MMS22L: variants seen among roughly 807,000 people sequenced by gnomAD.
MMS22L encodes the protein protein MMS22-like.
MMS22L carries 74 observed loss-of-function variants against 159.1 expected under a neutral mutation model. The ratio of observed to expected loss-of-function variants is 0.47; its 90% CI spans 0.39 to 0.56. MMS22L has a LOEUF of 0.56. MMS22L is among the 20% of genes least tolerant of loss of function. The pLI, the probability that MMS22L is intolerant of heterozygous loss-of-function variation, is 0.00. For missense variants in MMS22L, 1,351 were observed against 1,422.1 expected, an observed-to-expected ratio of 0.95 and a Z score of 0.80; for synonymous variants, 517 against 506.9, an observed-to-expected ratio of 1.02 and a Z score of -0.27.
chr6:97,193,548 C>T (rs58499320), intron 14 of MMS22L, among the ~76,000 whole-genome samples: 1,668 of 152,166 alleles, frequency 0.011, 26 homozygotes, highest in African/African-American at 0.038. Context: ...ACAGTAGTAA[C>T]AAGGATCCAC....
chr6:97,149,910 G>A lies in MMS22L; in HGVS notation c.3593C>T (p.Thr1198Ile). The A allele has an allele frequency of 6.2e-7, 1 of 1,613,692 alleles. No individual in the cohort carries two copies. Among genetic ancestry groups the A allele is most frequent in the Non-Finnish European group, 8.5e-7 (1 of 1,179,768 alleles). The change falls in exon 24 of 25, where the codon ACT (threonine) becomes ATT (isoleucine). Residue 1198 changes from threonine (T) to isoleucine (I), a missense_variant. By Grantham distance (89) the Thr-to-Ile change is moderately conservative. Coordinates refer to ENST00000683635, the MANE Select transcript of MMS22L (RefSeq NM_001350599.2). ...CTGCTCTGAATCCTTCAGAGACTGA[G>A]TAAGGGTAGAAATCAAGTGGATGAC... ...QVVIHLISTL[T>I]QSLKDSEQKW...
chr6:97,168,168 T>C lies in MMS22L; in HGVS notation c.2912A>G (p.Asp971Gly), dbSNP rs1472797244. The change falls in exon 20 of 25, where the codon GAT becomes GGT. Residue 971 changes from aspartate (D) to glycine (G), a missense_variant. Coordinates refer to ENST00000683635, the MANE Select transcript of MMS22L (RefSeq NM_001350599.2). ...KAQKLLFRIIDCLLLPHAVLQ... is the reference protein window; with the variant it reads ...KAQKLLFRIIGCLLLPHAVLQ... ...TACTGCATGTGGCAGCAGTAAACAA[T>C]CTATGATCCGGAATAGTAATTTTTG... The C allele has an allele frequency of 6.2e-7, 1 of 1,613,260 alleles. No homozygotes were observed. Among genetic ancestry groups the C allele is most frequent in the South Asian group, 1.1e-5 (1 of 91,044 alleles).
intron 22 of MMS22L, among the ~76,000 whole-genome samples, chr6:97,154,019 T>A (rs973837892): frequency 4.6e-5 from 7 of 152,134 alleles, no homozygotes; most frequent in African/African-American, 1.7e-4. Flanking sequence ...AACTCCATAT[T>A]TAACCGCTTG....
chr6:97,197,811 A>G (rs1214060435), intron 14 of MMS22L, among the ~76,000 whole-genome samples: 2 of 152,168 alleles, frequency 1.3e-5, no homozygotes, highest in African/African-American at 2.4e-5. Flanking sequence ...TTTGGAAGAG[A>G]CCACCAATCT....
chr6:97,279,014 A>C, intron 3 of MMS22L, 116 bp from the exon 4 acceptor site: 1 of 729,888 alleles, frequency 1.4e-6, no homozygotes, highest in South Asian at 1.9e-5. Context: ...TTTGGGGATG[A>C]TGATTAATAC....
Position 97,171,453 on chromosome 6 carries a change from A to C in MMS22L, c.2839+1610T>G, listed in dbSNP as rs147104971. On this transcript the variant is annotated intron_variant, in intron 19 of 24. Coordinates refer to ENST00000683635, the MANE Select transcript of MMS22L (RefSeq NM_001350599.2). ...CAATTACAAAGCAAAATGGGGAAGA[A>C]TGGCCAAAGAGACAGGGATGATTGA... 1.6e-4 allele frequency among the ~76,000 whole-genome samples: 24 copies of C among 152,244 alleles called. No individual in the cohort carries two copies. The East Asian group carries it at 1.9e-3, about 12-fold the overall frequency.
intron 20 of MMS22L, among the ~76,000 whole-genome samples, chr6:97,165,876 C>T (rs1271972204): frequency 2.0e-5 from 3 of 152,046 alleles, no homozygotes; most frequent in Non-Finnish European, 2.9e-5. Flanking sequence ...TAAAAGTCTT[C>T]CATGCTAAAA....
rs1353267013 is a variant in MMS22L, at chr6:97,178,393, A to C, written c.2679+50T>G. On this transcript the variant is annotated intron_variant, in intron 18 of 24. Coordinates refer to ENST00000683635, the MANE Select transcript of MMS22L (RefSeq NM_001350599.2). ...TTTAAGAATACTTCAGGTTTTTCTG[A>C]AAATTAATTGTAATTAATCTGGACA... 2.2e-6 allele frequency: 3 copies of C among 1,375,224 alleles called. No individual in the cohort carries two copies. In the East Asian group the frequency reaches 7.2e-5, roughly 33 times the overall value. The allele number at this position is 1,375,224 out of a possible 1,614,324, so 85.2% of individuals were successfully genotyped here.
intron 14 of MMS22L, among the ~76,000 whole-genome samples, chr6:97,200,219 T>C (rs1806993710): frequency 6.6e-6 from 1 of 152,162 alleles, no homozygotes; most frequent in Admixed American, 6.6e-5. Context: ...AATAATATCA[T>C]ATTTAGCAGT....
At position 97,145,632 on chromosome 6, in the gene MMS22L, G is replaced by T. The variant is rs527555159; in HGVS notation, c.*1174C>A. 6.6e-6 allele frequency: 1 copy of T among 152,212 alleles called. No individual in the cohort carries two copies. The highest frequency in any genetic ancestry group is 2.4e-5 in the African/African-American group (1 of 41,550). 9.4% of individuals were successfully genotyped at this position (152,212 alleles called of 1,614,324 possible). The stretch of plus-strand genomic sequence containing the variant: ...GTCTGTACATTTCCCAACAGAATTT[G>T]GGCCACCAAATATTTTCACGTACAT... On this transcript the variant is annotated 3_prime_UTR_variant, in exon 25 of 25. Transcript: ENST00000683635.
At chr6:97,191,954 C>T (rs1805910497) in intron 14 of MMS22L, among the ~76,000 whole-genome samples, 2 of 152,146 alleles carry the variant, frequency 1.3e-5, no homozygotes, top group Admixed American at 1.3e-4. Context: ...CAATAGACAA[C>T]TTCTAGGTAT....
chr6:97,235,648 T>C (rs535384460), intron 11 of MMS22L, among the ~76,000 whole-genome samples: 3 of 152,180 alleles, frequency 2.0e-5, no homozygotes, highest in Admixed American at 6.5e-5. Context: ...GAAGAAACAA[T>C]ATGGAAGTCA....
chr6:97,178,501 T>G lies in MMS22L; in HGVS notation c.2621A>C (p.Gln874Pro). 6.3e-7 allele frequency: 1 copy of G among 1,592,356 alleles called. No individual in the cohort carries two copies. The highest frequency in any genetic ancestry group is 8.6e-7 in the Non-Finnish European group (1 of 1,166,814). ...TTCTGAGATGGATAAATATTCAACT[T>G]GGGCCTTTGAGAAAATACTCTTTAC... ...SEVKSIFSKAQVEYLSISEDP... is the reference protein window; with the variant it reads ...SEVKSIFSKAPVEYLSISEDP... The change falls in exon 18 of 25, where the codon CAA becomes CCA. Residue 874 changes from glutamine to proline, a missense_variant. Gln to Pro is a moderately conservative substitution (Grantham distance 76). Transcript: ENST00000683635.
chr6:97,247,068 C>T (rs573791962), intron 10 of MMS22L, among the ~76,000 whole-genome samples: 4 of 150,176 alleles, frequency 2.7e-5, no homozygotes, highest in African/African-American at 4.9e-5. Context: ...CTATTTTCCA[C>T]TTTAATCACT....
intron 9 of MMS22L, among the ~76,000 whole-genome samples, chr6:97,262,184 A>T (rs1210216782): frequency 6.6e-6 from 1 of 152,160 alleles, no homozygotes; most frequent in African/African-American, 2.4e-5. Flanking sequence ...AATGCCTGAA[A>T]GCCAAAGTTC....
chr6:97,228,837 C>A, intron 14 of MMS22L, 57 bp downstream of exon 14: 5 of 1,459,084 alleles, frequency 3.4e-6, no homozygotes, highest in South Asian at 1.4e-5. Flanking sequence ...AATATAAAAT[C>A]CACATAAGTA....
intron 23 of MMS22L, 22 bp from the exon 24 acceptor site, chr6:97,150,042 T>G (rs374274367): frequency 6.2e-7 from 1 of 1,606,770 alleles, no homozygotes; most frequent in South Asian, 1.1e-5. Flanking sequence ...ACAGGTTTAT[T>G]TAGGATTACT....
At chr6:97,195,440 T>A (rs552047803) in intron 14 of MMS22L, among the ~76,000 whole-genome samples, 4 of 152,086 alleles carry the variant, frequency 2.6e-5, no homozygotes, top group Non-Finnish European at 5.9e-5. Context: ...AAGGAATATA[T>A]AAAAGAACAA....
Position 97,254,708 on chromosome 6 carries a change from A to T in MMS22L, c.968T>A (p.Leu323Gln), listed in dbSNP as rs778589281. Reference protein sequence around the residue: ...SESFWNWLNKLLKTLLEKSSD... With the variant: ...SESFWNWLNKQLKTLLEKSSD... The stretch of plus-strand genomic sequence containing the variant: ...TGATTTTTCAAGCAGTGTTTTAAGT[A>T]GTTTATTCAACCAGTTCCAAAATGA... Residue 323 changes from leucine to glutamine, a missense_variant, in exon 10 of 25, where the codon CTA (leucine) becomes CAA (glutamine). Physicochemically the swap from Leu to Gln is moderately radical, Grantham distance 113. Coordinates refer to ENST00000683635, the MANE Select transcript of MMS22L (RefSeq NM_001350599.2). 1.2e-6 allele frequency: 2 copies of T among 1,605,430 alleles called. No homozygotes were observed. Among genetic ancestry groups the T allele is most frequent in the Non-Finnish European group, 1.7e-6 (2 of 1,177,168 alleles).
Sources: gnomAD v4.1 joint callset for allele counts (sites outside exome capture counted in the v4.1 genomes callset) on GRCh38, gnomAD v4.1.1 for gene constraint, MANE v1.5 for transcripts, NCBI Gene and HGNC (gene_info 2026-07-23, HGNC 2026-07-21) for gene names.